Variants in USP40 observed in about 807,000 individuals in gnomAD.
USP40 encodes the protein ubiquitin carboxyl-terminal hydrolase 40.
A neutral mutation model predicts 166.2 loss-of-function variants in USP40; 143 were observed. The ratio of observed to expected loss-of-function variants is 0.86; its 90% CI spans 0.75 to 0.99. The LOEUF is 0.99. Among genes scored for constraint, USP40 ranks in the 50% least tolerant of loss-of-function variants. The pLI, the probability that USP40 is intolerant of heterozygous loss-of-function variation, is 0.00. For missense variants in USP40, 1,444 were observed against 1,479.7 expected, an observed-to-expected ratio of 0.98 and a Z score of 0.40; for synonymous variants, 498 against 524.0, an observed-to-expected ratio of 0.95 and a Z score of 0.68.
intron 20 of USP40, among the ~76,000 whole-genome samples, chr2:233,510,612 C>G (rs1047054630): frequency 6.6e-6 from 1 of 151,830 alleles, no homozygotes; most frequent in African/African-American, 2.4e-5. Context: ...CCATGTTGGC[C>G]AGGCTGGTGT....
In USP40 at chr2:233,477,175, G is replaced by A. The variant is rs530114797; in HGVS notation, c.*217C>T. 6.1e-5 allele frequency: 34 copies of A among 556,176 alleles called. No homozygotes were observed. In the Middle Eastern group the frequency reaches 1.5e-3, roughly 24 times the overall value. 34.5% of individuals were successfully genotyped at this position (556,176 alleles called of 1,614,324 possible). ...AGCACCTACTGGCAGCTGGGTGGGC[G>A]ACATCCAGAGCTGCACCAGCCCCCG... is the stretch of plus-strand genomic sequence containing the variant. On this transcript the variant is annotated 3_prime_UTR_variant, in exon 32 of 32. Coordinates refer to ENST00000678225, the MANE Select transcript of USP40 (RefSeq NM_001365479.2).
chr2:233,519,024 T>A (rs1330624124), intron 18 of USP40, among the ~76,000 whole-genome samples: 2 of 152,222 alleles, frequency 1.3e-5, no homozygotes, highest in Non-Finnish European at 2.9e-5. Context: ...AAAGACTATA[T>A]GTTTTATGAT....
chr2:233,527,176 T>C (rs1035350446), intron 13 of USP40, among the ~76,000 whole-genome samples: 1 of 152,136 alleles, frequency 6.6e-6, no homozygotes, highest in Admixed American at 6.6e-5. Context: ...TCAAATAAAA[T>C]GTACCAGGCC....
intron 30 of USP40, among the ~76,000 whole-genome samples, chr2:233,483,101 T>C (rs1451687787): frequency 6.6e-6 from 1 of 152,238 alleles, no homozygotes; most frequent in East Asian, 1.9e-4. Context: ...ACTTCCCTTT[T>C]CACTGTTTTT....
intron 10 of USP40, among the ~76,000 whole-genome samples, chr2:233,537,704 C>T (rs373655001): frequency 2.0e-5 from 3 of 152,130 alleles, no homozygotes; most frequent in African/African-American, 7.2e-5. Flanking sequence ...ACTTATAATT[C>T]TGTATCTATC....
At chr2:233,490,258 G>T in intron 26 of USP40, among the ~76,000 whole-genome samples, 1 of 150,016 alleles carries the variant, frequency 6.7e-6, no homozygotes. Flanking sequence ...CCCTGTCCTG[G>T]GTTCAAGTGA....
At chr2:233,483,646 C>T (rs535790654) in intron 30 of USP40, among the ~76,000 whole-genome samples, 62 of 152,238 alleles carry the variant, frequency 4.1e-4, no homozygotes, top group Admixed American at 3.7e-3. Flanking sequence ...TGGGGCCTGA[C>T]GCTGACTCAA....
In USP40 at chr2:233,501,413, G is replaced by A. The variant is rs188466700; in HGVS notation, c.2614-1498C>T. On this transcript the variant is annotated intron_variant, in intron 21 of 31. Transcript: ENST00000678225. ...CTGGGTAAAATGGGAAACCACAGGA[G>A]GGTTGTGAGTATAGGAGTGACTAAT... Among the ~76,000 whole-genome samples the A allele has an allele frequency of 6.7e-4, 102 of 152,308 alleles. 4 individuals are homozygous for A. In the East Asian group the frequency reaches 0.019, roughly 28 times the overall value.
At position 233,543,729 on chromosome 2, in the gene USP40, C is replaced by T. The variant is rs138298654; in HGVS notation, c.967-1366G>A. Among the ~76,000 whole-genome samples, 395 of 152,316 alleles carry T rather than the reference C, an allele frequency of 2.6e-3. 1 individual carries two copies. Among genetic ancestry groups the T allele is most frequent in the African/African-American group, 9.0e-3 (375 of 41,564 alleles). Reference sequence around the variant, plus strand: ...CTGCTGGTGCCTTAATCTTGACTTCCCAGCCTCCAGAACTGTGAGCAATAA... The same window carrying T: ...CTGCTGGTGCCTTAATCTTGACTTCTCAGCCTCCAGAACTGTGAGCAATAA... On this transcript the variant is annotated intron_variant, in intron 8 of 31. Coordinates refer to ENST00000678225, the MANE Select transcript of USP40 (RefSeq NM_001365479.2).
chr2:233,518,475 A>G (rs532201901), intron 18 of USP40, among the ~76,000 whole-genome samples: 66 of 151,300 alleles, frequency 4.4e-4, no homozygotes, highest in African/African-American at 1.6e-3. Context: ...GCTGAGGCAG[A>G]AAAATTGCTT....
rs558720798 is a variant in USP40 at position 233,477,071 on chromosome 2, G to A, written c.*321C>T. 267 of 371,276 alleles carry A rather than the reference G, an allele frequency of 7.2e-4. No individual in the cohort carries two copies. Among genetic ancestry groups the A allele is most frequent in the African/African-American group, 5.2e-3 (247 of 47,546 alleles). 23.0% of individuals were successfully genotyped at this position (371,276 alleles called of 1,614,324 possible). On this transcript the variant is annotated 3_prime_UTR_variant, in exon 32 of 32. Transcript: ENST00000678225. ...GGCATGCCGCTGCCTCCATACCTGCGGTTCACGCACACGTTGTGCATTTTC... is the reference window on the plus strand; with the variant it reads ...GGCATGCCGCTGCCTCCATACCTGCAGTTCACGCACACGTTGTGCATTTTC...
chr2:233,502,524 C>A (rs766531676), intron 21 of USP40, among the ~76,000 whole-genome samples: 1 of 152,178 alleles, frequency 6.6e-6, no homozygotes, highest in East Asian at 1.9e-4. Flanking sequence ...ATTTTGCAAT[C>A]TGGCAGTGGC....
At chr2:233,479,935 C>T (rs937190204) in intron 31 of USP40, among the ~76,000 whole-genome samples, 4 of 152,088 alleles carry the variant, frequency 2.6e-5, no homozygotes, top group African/African-American at 9.7e-5. Flanking sequence ...CTCACACAGT[C>T]CCTACCCACC....
chr2:233,503,325 G>T (rs1286221047), intron 21 of USP40, among the ~76,000 whole-genome samples: 2 of 152,078 alleles, frequency 1.3e-5, no homozygotes, highest in Non-Finnish European at 2.9e-5. Flanking sequence ...GTGCCAGGGG[G>T]AGAATAAATG....
In USP40 at chr2:233,554,501, G is replaced by A. The variant is rs1289186160; in HGVS notation, c.572C>T (p.Ala191Val). 1.2e-6 allele frequency: 2 copies of A among 1,609,830 alleles called. No individual in the cohort carries two copies. The highest frequency in any genetic ancestry group is 1.7e-6 in the Non-Finnish European group (2 of 1,178,590). The change falls in exon 6 of 32, where the codon GCA becomes GTA. Residue 191 changes from alanine to valine, a missense_variant. Transcript: ENST00000678225. ...TTCCAAACCGGATACATTTTTGACTGCTACTGTTAGATCTAAGAAGTCTTC... is the reference window on the plus strand; with the variant it reads ...TTCCAAACCGGATACATTTTTGACTACTACTGTTAGATCTAAGAAGTCTTC... ...RQEDFLDLTV[A>V]VKNVSGLEDA...
chr2:233,563,149 T>C (rs146343389), intron 2 of USP40, among the ~76,000 whole-genome samples: 101 of 152,334 alleles, frequency 6.6e-4, no homozygotes, highest in African/African-American at 2.3e-3. Context: ...ACAGTAGTGT[T>C]GCAGTTTTCC....
rs945402747 is a variant in USP40 at position 233,527,398 on chromosome 2, C to G, written c.1725+9G>C. The G allele has an allele frequency of 1.2e-6, 2 of 1,610,496 alleles. No homozygotes were observed. Among genetic ancestry groups the G allele is most frequent in the East Asian group, 4.5e-5 (2 of 44,852 alleles). On this transcript the variant is annotated intron_variant, in intron 13 of 31. Transcript: ENST00000678225. ...ATGTCTGAATTAAGAGGAAGTAAGG[C>G]GATATTACCTGAAATATTGACTGCC...
intron 21 of USP40, among the ~76,000 whole-genome samples, chr2:233,501,528 C>T (rs1437901618): frequency 6.6e-6 from 1 of 152,174 alleles, no homozygotes; most frequent in Non-Finnish European, 1.5e-5. Flanking sequence ...AGTTAGGAAG[C>T]TGATGGATGA....
intron 12 of USP40, among the ~76,000 whole-genome samples, chr2:233,528,891 A>C (rs377069665): frequency 1.3e-5 from 2 of 152,356 alleles, no homozygotes; most frequent in East Asian, 3.9e-4. Flanking sequence ...GCCCCAAAAG[A>C]GAATGCTGAG....
Sources: gnomAD v4.1 joint callset for allele counts (sites outside exome capture counted in the v4.1 genomes callset) on GRCh38, gnomAD v4.1.1 for gene constraint, MANE v1.5 for transcripts, NCBI Gene and HGNC (gene_info 2026-07-23, HGNC 2026-07-21) for gene names.